The following SLC36A1 variants were observed in gnomAD, a reference collection of about 807,000 sequenced individuals.
The protein encoded by SLC36A1 is proton-coupled amino acid transporter 1.
A neutral mutation model predicts 47.5 loss-of-function variants in SLC36A1; 30 were observed. The ratio of observed to expected loss-of-function variants is 0.63; its 90% CI spans 0.47 to 0.86. The LOEUF (loss-of-function observed/expected upper bound fraction) is 0.86. SLC36A1 is among the 40% of genes least tolerant of loss of function. The pLI is 0.00. For missense variants in SLC36A1, 517 were observed against 606.0 expected (o/e 0.85, Z 1.54); for synonymous variants, 255 against 249.7 (o/e 1.02, Z -0.20).
chr5:151,381,118 C>T, the SLC36A1 span: 2 of 493,474 alleles, frequency 4.1e-6, no homozygotes, highest in Admixed American at 5.1e-5. Context: ...TCCTCCAGGA[C>T]CTCTCTCTGG....
At chr5:151,428,284 C>G in the SLC36A1 span, among the ~76,000 whole-genome samples, 5 of 152,186 alleles carry the variant, frequency 3.3e-5, no homozygotes, top group African/African-American at 4.8e-5. Flanking sequence ...AGATGACCTC[C>G]ATGGTGTTGT....
At chr5:151,444,441 CTT>C (rs1438411032), upstream of SLC36A1, among the ~76,000 whole-genome samples, 1 of 152,028 alleles carries the variant, frequency 6.6e-6, no homozygotes, top group Non-Finnish European at 1.5e-5. Context: ...AAATCATTCT[CTT>C]TATTTCTTTT....
the SLC36A1 span, among the ~76,000 whole-genome samples, chr5:151,555,850 T>TC: frequency 6.6e-6 from 1 of 152,130 alleles, no homozygotes; most frequent in Non-Finnish European, 1.5e-5. Context: ...CTGATCTGCT[T>TC]CTCTTCTGAT....
At chr5:151,492,976 C>G (rs1561798417), downstream of SLC36A1, among the ~76,000 whole-genome samples, 1 of 152,158 alleles carries the variant, frequency 6.6e-6, no homozygotes. Context: ...TGATTTGTCT[C>G]TCTCTCAGTC....
At chr5:151,361,120 A>G in the SLC36A1 span, among the ~76,000 whole-genome samples, 1 of 152,230 alleles carries the variant, frequency 6.6e-6, no homozygotes, top group Non-Finnish European at 1.5e-5. Context: ...CTATAACCAC[A>G]ATGGCATCTT....
At chr5:151,531,453 A>C in the SLC36A1 span, 1 of 1,228,284 alleles carries the variant, frequency 8.1e-7, no homozygotes, top group Non-Finnish European at 1.1e-6. This position sits in a 1 kb window ranked among gnomAD's most constrained non-coding sequence, Gnocchi z 5.7. Flanking sequence ...GAAGCAGAAG[A>C]GAATGGAGAA....
the SLC36A1 span, chr5:151,347,687 G>T: frequency 1.7e-6 from 1 of 571,984 alleles, no homozygotes; most frequent in Non-Finnish European, 3.1e-6. Context: ...AGGAAGGAGG[G>T]ATTTGGAAAA....
the SLC36A1 span, among the ~76,000 whole-genome samples, chr5:151,500,381 G>GTTGTTA: frequency 7.9e-5 from 12 of 151,984 alleles, no homozygotes; most frequent in Non-Finnish European, 1.6e-4. Flanking sequence ...TGTTGTTGTT[G>GTTGTTA]TTTTGAGACG....
At chr5:151,510,472 CTG>C in the SLC36A1 span, 1 of 243,284 alleles carries the variant, frequency 4.1e-6, no homozygotes, top group Non-Finnish European at 8.2e-6. Flanking sequence ...AAGGATCTTC[CTG>C]TGTTGGCTCA....
the SLC36A1 span, chr5:151,512,676 G>T: frequency 1.5e-6 from 2 of 1,362,940 alleles, no homozygotes; most frequent in Non-Finnish European, 2.0e-6. The surrounding 1 kb of genome is among the most constrained non-coding windows in gnomAD (Gnocchi z 4.1). Flanking sequence ...GAGGCTGCCA[G>T]TTCAAAGAAT....
chr5:151,387,896 G>T, the SLC36A1 span, among the ~76,000 whole-genome samples: 8 of 152,170 alleles, frequency 5.3e-5, no homozygotes, highest in South Asian at 6.2e-4. Context: ...CACTAGAAGG[G>T]TTTTATTTAA....
At chr5:151,444,727 C>G (rs934224883), upstream of SLC36A1, among the ~76,000 whole-genome samples, 2 of 152,290 alleles carry the variant, frequency 1.3e-5, no homozygotes, top group Admixed American at 6.5e-5. Flanking sequence ...CTCAGGTGAC[C>G]CACTGCCCTG....
chr5:151,506,972 C>T, the SLC36A1 span, among the ~76,000 whole-genome samples: 1 of 152,234 alleles, frequency 6.6e-6, no homozygotes, highest in Non-Finnish European at 1.5e-5. Context: ...GAATGAGCCT[C>T]AGAAACCTGG....
chr5:151,530,406 T>A, the SLC36A1 span, among the ~76,000 whole-genome samples: 6 of 152,128 alleles, frequency 3.9e-5, no homozygotes, highest in East Asian at 9.6e-4. Flanking sequence ...TACAAGGACC[T>A]GAGGGATATG....
the SLC36A1 span, among the ~76,000 whole-genome samples, chr5:151,501,133 C>A: frequency 6.6e-6 from 1 of 152,180 alleles, no homozygotes; most frequent in Non-Finnish European, 1.5e-5. Flanking sequence ...CTCTATGGGC[C>A]TTAGCATGTG....
chr5:151,353,150 G>A, the SLC36A1 span, among the ~76,000 whole-genome samples: 2 of 152,194 alleles, frequency 1.3e-5, no homozygotes, highest in East Asian at 3.8e-4. Flanking sequence ...TGAAAACCAT[G>A]AATGAAAACA....
At chr5:151,508,669 C>G in the SLC36A1 span, among the ~76,000 whole-genome samples, 3 of 150,870 alleles carry the variant, frequency 2.0e-5, no homozygotes, top group African/African-American at 7.4e-5. Flanking sequence ...GAGATTGTGC[C>G]ATTGCACTGC....
At chr5:151,476,087 C>T (rs963149948) in intron 8 of SLC36A1, among the ~76,000 whole-genome samples, 2 of 152,284 alleles carry the variant, frequency 1.3e-5, no homozygotes, top group Admixed American at 1.3e-4. Context: ...TTCTTTCGCA[C>T]TGCAGTTTCT....
At chr5:151,363,449 A>C in the SLC36A1 span, among the ~76,000 whole-genome samples, 1 of 151,982 alleles carries the variant, frequency 6.6e-6, no homozygotes, top group Non-Finnish European at 1.5e-5. Context: ...GGGAGTTGTT[A>C]AATCCTCATA....
Sources: allele counts gnomAD v4.1 joint callset (sites outside exome capture counted in the v4.1 genomes callset), GRCh38; gene constraint gnomAD v4.1.1; non-coding constraint Gnocchi (gnomAD v3.1); transcripts MANE v1.5; gene names NCBI Gene and HGNC (gene_info 2026-07-23, HGNC 2026-07-21).